The following RBM20 variants were observed in gnomAD, a reference collection of about 807,000 sequenced individuals.
RBM20 encodes the protein RNA-binding protein 20.
RBM20 carries 51 observed loss-of-function variants against 110.1 expected under a neutral mutation model. The observed-to-expected ratio is 0.46, with a 90% CI of 0.37 to 0.59. RBM20 has a LOEUF of 0.59. RBM20 is among the 20% of genes least tolerant of loss of function. The probability of loss-of-function intolerance (pLI) is 0.00; values close to 1 mark genes in which losing one functional copy is unlikely to be tolerated. For missense variants in RBM20, 1,512 were observed against 1,574.9 expected (o/e 0.96, Z 0.68); for synonymous variants, 589 against 618.2 (o/e 0.95, Z 0.70).
intron 1 of RBM20, 50 bp from the exon 2 acceptor site, chr10:110,780,751 C>T (rs1234783460): frequency 2.0e-6 from 3 of 1,466,216 alleles, no homozygotes; most frequent in African/African-American, 1.4e-5. Flanking sequence ...CAGCCCCTTG[C>T]CCCCCTCATT....
Position 110,773,032 on chromosome 10 carries a change from G to T in RBM20, c.192-7769G>T, listed in dbSNP as rs538156856. On this transcript the variant is annotated intron_variant, in intron 1 of 13. Transcript: ENST00000369519. ...AAACTAACTGACCTAGGATCCCACA[G>T]GGAGTGAATAAGGGCTGTTGGGCCA... 7.9e-5 allele frequency among the ~76,000 whole-genome samples: 12 copies of T among 152,316 alleles called. No individual in the cohort carries two copies. In the South Asian group the frequency reaches 2.3e-3, roughly 29 times the overall value.
At chr10:110,835,714 C>T in intron 13 of RBM20, 154 bp from the exon 14 acceptor site, 2 of 608,292 alleles carry the variant, frequency 3.3e-6, no homozygotes, top group South Asian at 2.5e-5. Flanking sequence ...AGTTCTGTAG[C>T]CCCAGTGGGG....
chr10:110,643,523 G>T (rs1454422811), upstream of RBM20, among the ~76,000 whole-genome samples: 1 of 152,206 alleles, frequency 6.6e-6, no homozygotes, highest in African/African-American at 2.4e-5. Flanking sequence ...GTACGTTGTC[G>T]GCGAACTCTC....
intron 5 of RBM20, among the ~76,000 whole-genome samples, chr10:110,790,465 G>A (rs528899314): frequency 6.6e-6 from 1 of 152,338 alleles, no homozygotes; most frequent in Admixed American, 6.5e-5. Flanking sequence ...TGTTGGAAAA[G>A]CAGTGTGAAC....
At position 110,735,624 on chromosome 10, in the gene RBM20, C is replaced by T. The variant is rs548576733; in HGVS notation, c.192-45177C>T. Reference sequence around the variant, plus strand: ...TCTTGGCATGTATGTATGAGTCCATCGGAAGGATACATTTCTGTAAATAGG... The same window carrying T: ...TCTTGGCATGTATGTATGAGTCCATTGGAAGGATACATTTCTGTAAATAGG... On this transcript the variant is annotated intron_variant, in intron 1 of 13. Coordinates refer to ENST00000369519, the MANE Select transcript of RBM20 (RefSeq NM_001134363.3). Among the ~76,000 whole-genome samples the T allele has an allele frequency of 3.7e-4, 56 of 152,250 alleles. 2 individuals are homozygous for T. The highest frequency in any genetic ancestry group is 3.3e-3 in the Admixed American group (51 of 15,288).
intron 1 of RBM20, among the ~76,000 whole-genome samples, chr10:110,658,764 C>G (rs1311124126): frequency 6.6e-6 from 1 of 151,990 alleles, no homozygotes; most frequent in Non-Finnish European, 1.5e-5. Context: ...CTGCCCCACT[C>G]AGCCCTCCAG....
At position 110,752,950 on chromosome 10, in the gene RBM20, T is replaced by A. The variant is rs1384863457; in HGVS notation, c.192-27851T>A. ...ATATATATATATATATATATATTTT[T>A]TTTTTTTTTATGAAGTCTCCCTCTG... On this transcript the variant is annotated intron_variant, in intron 1 of 13. Transcript: ENST00000369519. Among the ~76,000 whole-genome samples, 191 of 135,520 alleles carry A rather than the reference T, an allele frequency of 1.4e-3. 1 individual carries two copies. The highest frequency in any genetic ancestry group is 3.7e-3 in the African/African-American group (133 of 36,284). 88.9% of individuals were successfully genotyped at this position (135,520 alleles called of 152,430 possible).
chr10:110,715,286 C>A (rs1230402315), intron 1 of RBM20, among the ~76,000 whole-genome samples: 1 of 152,202 alleles, frequency 6.6e-6, no homozygotes, highest in East Asian at 1.9e-4. Flanking sequence ...AAAGAAAAAA[C>A]CCATAATTTG....
At chr10:110,738,824 C>T (rs765027449) in intron 1 of RBM20, among the ~76,000 whole-genome samples, 9 of 152,094 alleles carry the variant, frequency 5.9e-5, no homozygotes, top group Non-Finnish European at 1.2e-4. Flanking sequence ...GGTGGCGAGG[C>T]TGACATTGGG....
rs1170107854 is a variant in RBM20 at position 110,799,375 on chromosome 10, G to C, written c.1669-412G>C. Among the ~76,000 whole-genome samples the C allele has an allele frequency of 2.0e-5, 3 of 152,146 alleles. No homozygotes were observed. The East Asian group carries it at 5.8e-4, about 29-fold the overall frequency. The stretch of plus-strand genomic sequence containing the variant: ...TCAGGAAAGGGCCATCTTATAATGA[G>C]CTCTTTTGGTGATGTTTATAAAAAG... On this transcript the variant is annotated intron_variant, in intron 6 of 13. Transcript: ENST00000369519.
chr10:110,784,790 A>G lies in RBM20; in HGVS notation c.1430-2A>G. 6.5e-7 allele frequency: 1 copy of G among 1,536,050 alleles called. No individual in the cohort carries two copies. Among genetic ancestry groups the G allele is most frequent in the Non-Finnish European group, 8.8e-7 (1 of 1,132,728 alleles). On this transcript the variant is annotated splice_acceptor_variant, in intron 4 of 13. Coordinates refer to ENST00000369519, the MANE Select transcript of RBM20 (RefSeq NM_001134363.3). LOFTEE classifies it high-confidence loss of function. ...ACTGACTTTGTGTAATTCATCATTT[A>G]GATTATGCCTCAAATCTTGGAACAT...
intron 8 of RBM20, 24 bp from the exon 9 acceptor site, chr10:110,812,254 T>A (rs1285951731): frequency 6.6e-7 from 1 of 1,521,426 alleles, no homozygotes; most frequent in African/African-American, 1.4e-5. Flanking sequence ...AGATTCTAAA[T>A]CCTGCTCCTT....
intron 12 of RBM20, among the ~76,000 whole-genome samples, chr10:110,827,294 T>C (rs1488842906): frequency 6.6e-6 from 1 of 152,082 alleles, no homozygotes; most frequent in Non-Finnish European, 1.5e-5. Context: ...GGGAGGAGGA[T>C]TGCTTGAACC....
intron 1 of RBM20, among the ~76,000 whole-genome samples, chr10:110,733,200 T>A (rs1843636471): frequency 6.6e-6 from 1 of 152,210 alleles, no homozygotes; most frequent in African/African-American, 2.4e-5. Context: ...CTTGAAGTTG[T>A]TCTTGGGATC....
intron 1 of RBM20, among the ~76,000 whole-genome samples, chr10:110,670,194 A>G (rs895155876): frequency 9.2e-5 from 14 of 152,128 alleles, no homozygotes; most frequent in African/African-American, 3.1e-4. Flanking sequence ...TATTCAATGC[A>G]TGTTGTCTTG....
At chr10:110,767,716 A>G (rs1413866145) in intron 1 of RBM20, among the ~76,000 whole-genome samples, 2 of 144,798 alleles carry the variant, frequency 1.4e-5, no homozygotes, top group African/African-American at 5.2e-5. Context: ...GGCGCTCCCC[A>G]CATCTCAGAC....
chr10:110,721,658 G>C (rs967820812), intron 1 of RBM20, among the ~76,000 whole-genome samples: 1 of 152,148 alleles, frequency 6.6e-6, no homozygotes, highest in Non-Finnish European at 1.5e-5. Flanking sequence ...ACAACCTGTG[G>C]CTTCCGACTG....
chr10:110,758,222 T>C (rs1165689565), intron 1 of RBM20, among the ~76,000 whole-genome samples: 2 of 151,854 alleles, frequency 1.3e-5, no homozygotes, highest in African/African-American at 2.4e-5. Context: ...TATACCATGT[T>C]GCCCAGGCTG....
intron 1 of RBM20, among the ~76,000 whole-genome samples, chr10:110,682,882 AAC>A: frequency 6.6e-6 from 1 of 152,350 alleles, no homozygotes; most frequent in East Asian, 1.9e-4. Context: ...GTCATATTCT[AAC>A]AGTGATTTTC....
Sources: allele counts gnomAD v4.1 joint callset (sites outside exome capture counted in the v4.1 genomes callset), GRCh38; gene constraint gnomAD v4.1.1; transcripts MANE v1.5; gene names NCBI Gene and HGNC (gene_info 2026-07-23, HGNC 2026-07-21).